The following FHIT variants were observed in gnomAD, a reference collection of about 807,000 sequenced individuals.
FHIT encodes fragile histidine triad diadenosine triphosphatase, also known as bis(5'-adenosyl)-triphosphatase.
Under a neutral mutation model 17.9 loss-of-function variants are expected in FHIT, and 19 were observed. The observed-to-expected ratio is 1.06, with a 90% CI of 0.74 to 1.56. FHIT has a LOEUF of 1.56. Ranked by LOEUF, FHIT falls within the 40% of genes most tolerant of loss-of-function variation. The probability of loss-of-function intolerance (pLI) is 0.00; values close to 1 mark genes in which losing one functional copy is unlikely to be tolerated. For synonymous variants in FHIT, 81 were observed against 69.7 expected (o/e 1.16, Z -0.81); for missense variants, 248 against 189.2 (o/e 1.31, Z -1.82).
chr3:60,090,505 A>T (rs1276223073), intron 5 of FHIT, among the ~76,000 whole-genome samples: 1 of 152,212 alleles, frequency 6.6e-6, no homozygotes, highest in Non-Finnish European at 1.5e-5. Context: ...TGATGGGTAG[A>T]AAAAGTAATC....
intron 5 of FHIT, among the ~76,000 whole-genome samples, chr3:60,530,358 G>A (rs1200847627): frequency 1.3e-5 from 2 of 152,172 alleles, no homozygotes; most frequent in African/African-American, 4.8e-5. Context: ...CCTTCATTTT[G>A]AAGGGGCCAG....
chr3:60,927,624 T>C (rs1284377140), intron 3 of FHIT, among the ~76,000 whole-genome samples: 13 of 150,976 alleles, frequency 8.6e-5, no homozygotes, highest in Non-Finnish European at 1.9e-4. Context: ...GGAGCGCCTC[T>C]GCCCGGCCGC....
At chr3:61,206,437 T>G (rs180936216) in intron 1 of FHIT, among the ~76,000 whole-genome samples, 21 of 151,902 alleles carry the variant, frequency 1.4e-4, no homozygotes, top group African/African-American at 4.8e-4. Flanking sequence ...ATATTGATTC[T>G]TCCTACCCAT....
intron 8 of FHIT, among the ~76,000 whole-genome samples, chr3:59,782,448 A>G (rs1300957656): frequency 6.6e-6 from 1 of 152,240 alleles, no homozygotes; most frequent in Non-Finnish European, 1.5e-5. Flanking sequence ...AGAGAAACTC[A>G]GTGCTCATCT....
chr3:60,478,111 A>G (rs1393406952), intron 5 of FHIT, among the ~76,000 whole-genome samples: 1 of 152,234 alleles, frequency 6.6e-6, no homozygotes, highest in Admixed American at 6.5e-5. Flanking sequence ...CTGATTGCTC[A>G]TAATATGCCA....
intron 8 of FHIT, among the ~76,000 whole-genome samples, chr3:59,840,989 C>T (rs1394735762): frequency 1.3e-5 from 2 of 152,114 alleles, no homozygotes; most frequent in Non-Finnish European, 2.9e-5. Flanking sequence ...TATTAAAACA[C>T]CCAGGAACCA....
chr3:60,116,141 A>G (rs1704950597), intron 5 of FHIT, among the ~76,000 whole-genome samples: 1 of 152,242 alleles, frequency 6.6e-6, no homozygotes, highest in Non-Finnish European at 1.5e-5. Flanking sequence ...TGACAAAGAA[A>G]AAGAAGCAGT....
intron 8 of FHIT, among the ~76,000 whole-genome samples, chr3:59,809,250 C>G (rs1700321132): frequency 6.6e-6 from 1 of 152,106 alleles, no homozygotes; most frequent in African/African-American, 2.4e-5. Flanking sequence ...GCCCTAAATT[C>G]CGTGACTGGT....
rs2034893074 is a variant in FHIT, at chr3:60,510,135, C to A, written c.103+26725G>T. ...ACTGTGGAATTCATAAAACAAAGGTCAGGTATGAAGAACACAGGAAACCAA... is the reference window on the plus strand; with the variant it reads ...ACTGTGGAATTCATAAAACAAAGGTAAGGTATGAAGAACACAGGAAACCAA... On this transcript the variant is annotated intron_variant, in intron 5 of 9. Coordinates refer to ENST00000492590, the MANE Select transcript of FHIT (RefSeq NM_002012.4). Among the ~76,000 whole-genome samples, 2 of 152,114 alleles carry A rather than the reference C, an allele frequency of 1.3e-5. 1 individual carries two copies. The highest frequency in any genetic ancestry group is 4.1e-4 in the South Asian group (2 of 4,822).
At chr3:61,066,377 G>T (rs1052301932) in intron 2 of FHIT, among the ~76,000 whole-genome samples, 4 of 152,142 alleles carry the variant, frequency 2.6e-5, no homozygotes, top group African/African-American at 9.7e-5. Context: ...ACTTTGGGAG[G>T]CCAAGGTGGG....
chr3:60,970,975 A>T (rs762942557), intron 3 of FHIT, among the ~76,000 whole-genome samples: 1 of 152,174 alleles, frequency 6.6e-6, no homozygotes, highest in African/African-American at 2.4e-5. Context: ...TCCAAACATC[A>T]TATTACATTT....
At chr3:59,954,449 A>G (rs1320161250) in intron 7 of FHIT, among the ~76,000 whole-genome samples, 1 of 152,092 alleles carries the variant, frequency 6.6e-6, no homozygotes, top group Non-Finnish European at 1.5e-5. Context: ...TTTGGAGACA[A>G]ATAACTTAGG....
rs73831971 is a variant in FHIT at position 60,179,929 on chromosome 3, T to C, written c.104-165777A>G. ...TATGTGAGGTCAAATAGATTCAAGA[T>C]GGAATCTGAATGACAATTCTAAATT... On this transcript the variant is annotated intron_variant, in intron 5 of 9. Transcript: ENST00000492590. Among the ~76,000 whole-genome samples, 1,468 of 152,312 alleles carry C rather than the reference T, an allele frequency of 9.6e-3. 20 individuals are homozygous for C. Among genetic ancestry groups the C allele is most frequent in the African/African-American group, 0.034 (1,416 of 41,574 alleles).
At chr3:60,429,861 G>A (rs903639310) in intron 5 of FHIT, among the ~76,000 whole-genome samples, 2 of 152,048 alleles carry the variant, frequency 1.3e-5, no homozygotes, top group African/African-American at 4.8e-5. Flanking sequence ...GGTGGAAGAA[G>A]TCATTGGTGA....
intron 5 of FHIT, among the ~76,000 whole-genome samples, chr3:60,433,947 T>A (rs1440561809): frequency 6.6e-6 from 1 of 152,098 alleles, no homozygotes; most frequent in Non-Finnish European, 1.5e-5. Flanking sequence ...CTATTTTTGG[T>A]GCCTGTGATT....
intron 4 of FHIT, among the ~76,000 whole-genome samples, chr3:60,641,296 G>A (rs572928329): frequency 1.1e-4 from 16 of 152,294 alleles, no homozygotes; most frequent in African/African-American, 3.6e-4. Context: ...TTGCATATAT[G>A]TAAGAATATT....
intron 5 of FHIT, among the ~76,000 whole-genome samples, chr3:60,373,943 A>G (rs968361449): frequency 6.6e-6 from 1 of 152,220 alleles, no homozygotes; most frequent in Non-Finnish European, 1.5e-5. Flanking sequence ...AAAGTCAATT[A>G]AAACAAGCTA....
At chr3:60,195,553 A>ATATATATATATATATATTTATATATT in intron 5 of FHIT, among the ~76,000 whole-genome samples, 1 of 136,496 alleles carries the variant, frequency 7.3e-6, no homozygotes, top group African/African-American at 2.7e-5. Context: ...TGTGATATAT[A>ATATATATATATATATATTTATATATT]TATATATTTA....
intron 5 of FHIT, among the ~76,000 whole-genome samples, chr3:60,033,572 C>T (rs147708377): frequency 0.023 from 3,487 of 152,068 alleles, 108 homozygotes; most frequent in African/African-American, 0.069. Flanking sequence ...AGGGAATTTT[C>T]GTAGTCTTTA....
Sources: gnomAD v4.1 joint callset for allele counts (sites outside exome capture counted in the v4.1 genomes callset) on GRCh38, gnomAD v4.1.1 for gene constraint, MANE v1.5 for transcripts, NCBI Gene and HGNC (gene_info 2026-07-23, HGNC 2026-07-21) for gene names.